SLIT3: variants seen among roughly 807,000 people sequenced by gnomAD.
The protein encoded by SLIT3 is slit guidance ligand 3.
SLIT3 carries 68 observed loss-of-function variants against 184.0 expected under a neutral mutation model. The ratio of observed to expected loss-of-function variants is 0.37; its 90% CI spans 0.30 to 0.45. The LOEUF is 0.45. Among genes scored for constraint, SLIT3 ranks in the 20% least tolerant of loss-of-function variants. The pLI, the probability that SLIT3 is intolerant of heterozygous loss-of-function variation, is 1.00. For missense variants in SLIT3, 1,707 were observed against 2,026.0 expected (o/e 0.84, Z 3.02); for synonymous variants, 831 against 828.6 (o/e 1.00, Z -0.05).
intron 4 of SLIT3, among the ~76,000 whole-genome samples, chr5:169,105,400 T>C (rs1760167093): frequency 6.6e-6 from 1 of 152,220 alleles, no homozygotes; most frequent in Admixed American, 6.5e-5. Flanking sequence ...AGGTACGACT[T>C]CTCGCCCCAT....
At chr5:168,997,509 C>A (rs1043958220) in intron 4 of SLIT3, among the ~76,000 whole-genome samples, 1 of 152,010 alleles carries the variant, frequency 6.6e-6, no homozygotes, top group Non-Finnish European at 1.5e-5. Flanking sequence ...TGCGTGGGGC[C>A]CAAGGATTTG....
rs143892017 is a variant in SLIT3 at position 168,702,783 on chromosome 5, A to G, written c.2845-2104T>C. ...TTTTTCAGGTCTTTGGTTGGTGCCA[A>G]GTAGTTCCAGAGGTGCATATATGAG... On this transcript the variant is annotated intron_variant, in intron 26 of 35. Coordinates refer to ENST00000519560, the MANE Select transcript of SLIT3 (RefSeq NM_003062.4). 4.2e-3 allele frequency among the ~76,000 whole-genome samples: 645 copies of G among 152,254 alleles called. 5 individuals carry two copies. Among genetic ancestry groups the G allele is most frequent in the African/African-American group, 0.014 (589 of 41,542 alleles).
intron 28 of SLIT3, among the ~76,000 whole-genome samples, chr5:168,693,323 T>C (rs1761961092): frequency 6.6e-6 from 1 of 152,206 alleles, no homozygotes; most frequent in Non-Finnish European, 1.5e-5. Flanking sequence ...TACAGAAAAG[T>C]AAGCCCCTTG....
chr5:169,229,181 A>G (rs1417548846), intron 3 of SLIT3, among the ~76,000 whole-genome samples: 3 of 152,158 alleles, frequency 2.0e-5, no homozygotes, highest in African/African-American at 7.2e-5. Context: ...TCTCCTTGTT[A>G]TGCTTTGAAA....
intron 3 of SLIT3, among the ~76,000 whole-genome samples, chr5:169,232,518 C>G (rs138213359): frequency 6.6e-4 from 100 of 152,262 alleles, no homozygotes; most frequent in African/African-American, 2.3e-3. Flanking sequence ...AACCAGCACT[C>G]CCGGCCAAAA....
At chr5:168,892,743 T>C (rs188964369) in intron 4 of SLIT3, among the ~76,000 whole-genome samples, 24 of 152,356 alleles carry the variant, frequency 1.6e-4, no homozygotes, top group Admixed American at 1.2e-3. Context: ...AATTATCATA[T>C]GCAACTCCAA....
At chr5:168,793,263 G>A (rs1456929669) in intron 10 of SLIT3, among the ~76,000 whole-genome samples, 1 of 150,974 alleles carries the variant, frequency 6.6e-6, no homozygotes, top group Non-Finnish European at 1.5e-5. Context: ...TTCTTTTTTG[G>A]TAAGAGACAA....
At chr5:169,253,315 C>T (rs1430223303) in intron 1 of SLIT3, among the ~76,000 whole-genome samples, 2 of 152,138 alleles carry the variant, frequency 1.3e-5, no homozygotes, top group Non-Finnish European at 2.9e-5. Flanking sequence ...GCAGCTTGTG[C>T]CAGCATCTGC....
chr5:168,665,134 G>T lies in SLIT3; in HGVS notation c.*1320C>A, dbSNP rs927435034. 1 of 152,268 alleles carries T rather than the reference G, an allele frequency of 6.6e-6. No homozygotes were observed. Among genetic ancestry groups the T allele is most frequent in the African/African-American group, 2.4e-5 (1 of 41,460 alleles). The allele number at this position is 152,268 out of a possible 1,614,324, so 9.4% of individuals were successfully genotyped here. ...TCTGGCTCCTCCACTTATCTGGTGT[G>T]TGGCTTAAGGCAAGTTCCAGAGCCT... On this transcript the variant is annotated 3_prime_UTR_variant, in exon 36 of 36. Transcript: ENST00000519560.
intron 4 of SLIT3, among the ~76,000 whole-genome samples, chr5:169,142,074 AAAATAAAAATAAAT>A (rs56204356): frequency 0.43 from 56,295 of 131,536 alleles, 12,386 homozygotes; most frequent in African/African-American, 0.52. Flanking sequence ...AATAAAAATA[AAAATAAAAATAAAT>A]AAATAAATAA....
At chr5:169,133,121 C>CT (rs1382018026) in intron 4 of SLIT3, among the ~76,000 whole-genome samples, 2 of 152,140 alleles carry the variant, frequency 1.3e-5, no homozygotes, top group Non-Finnish European at 2.9e-5. Context: ...TGATCTGCAC[C>CT]TTATCCTTCT....
intron 32 of SLIT3, among the ~76,000 whole-genome samples, chr5:168,676,361 T>TAAGG (rs1325772858): frequency 1.3e-5 from 2 of 152,148 alleles, no homozygotes; most frequent in East Asian, 3.8e-4. Flanking sequence ...CTTATCAATG[T>TAAGG]AAGGTCTAGC....
intron 2 of SLIT3, among the ~76,000 whole-genome samples, chr5:169,245,415 T>C (rs1372880663): frequency 1.3e-5 from 2 of 152,210 alleles, no homozygotes; most frequent in African/African-American, 4.8e-5. Context: ...GGTTCACGCA[T>C]AGAGTATATC....
rs397999882 is a variant in SLIT3, at chr5:169,002,322, C to CAAAAAAAAAAAAAAAAAAAAAAAAA, written c.414-119011_414-118987dup. ...TGAGCAACAGAACGAGACTCTGTCT[C>CAAAAAAAAAAAAAAAAAAAAAAAAA]AAAAAAAAAAAAAAAAAAAAAAAAA... is the stretch of plus-strand genomic sequence containing the variant. On this transcript the variant is annotated intron_variant, in intron 4 of 35. Transcript: ENST00000519560. 2.9e-4 allele frequency among the ~76,000 whole-genome samples: 7 copies of CAAAAAAAAAAAAAAAAAAAAAAAAA among 24,198 alleles called. 1 individual carries two copies. The highest frequency in any genetic ancestry group is 5.6e-4 in the African/African-American group (4 of 7,080). 15.9% of individuals were successfully genotyped at this position (24,198 alleles called of 152,430 possible). A position where few individuals can be genotyped will look rare whatever the true frequency, so the allele number is the denominator to read the frequency against.
At chr5:168,720,089 A>AT (rs1441301783) in intron 23 of SLIT3, 7 of 151,744 alleles carry the variant, frequency 4.6e-5, no homozygotes, top group African/African-American at 1.7e-4. Flanking sequence ...AATTTTTTGA[A>AT]TTTTTTGGTA....
chr5:169,120,096 T>A (rs899271620), intron 4 of SLIT3: 3 of 152,222 alleles, frequency 2.0e-5, no homozygotes, highest in Non-Finnish European at 4.4e-5. Flanking sequence ...TCTTCTTAAG[T>A]AGGAATATAA....
At chr5:168,826,893 G>T (rs1757723064) in intron 6 of SLIT3, among the ~76,000 whole-genome samples, 1 of 152,064 alleles carries the variant, frequency 6.6e-6, no homozygotes, top group Non-Finnish European at 1.5e-5. Context: ...CTTCTGAGTA[G>T]CTGGGATTAC....
chr5:169,173,022 A>C (rs756455151), intron 4 of SLIT3, among the ~76,000 whole-genome samples: 1 of 152,094 alleles, frequency 6.6e-6, no homozygotes, highest in Non-Finnish European at 1.5e-5. Flanking sequence ...AGCACTTTGA[A>C]AGGCGCAGAG....
chr5:168,907,979 T>TATAGAGAGAGAGAGAGAGAG (rs376418381), intron 4 of SLIT3, among the ~76,000 whole-genome samples: 3 of 50,088 alleles, frequency 6.0e-5, no homozygotes, highest in African/African-American at 2.5e-4. Flanking sequence ...TATATATATA[T>TATAGAGAGAGAGAGAGAGAG]AGAGAGAGAG....
Sources: gnomAD v4.1 joint callset for allele counts (sites outside exome capture counted in the v4.1 genomes callset) on GRCh38, gnomAD v4.1.1 for gene constraint, MANE v1.5 for transcripts, NCBI Gene and HGNC (gene_info 2026-07-23, HGNC 2026-07-21) for gene names.